Variants in PCLO observed in about 807,000 individuals in gnomAD.
PCLO encodes the protein piccolo presynaptic cytomatrix protein.
In PCLO, 82 loss-of-function variants were observed where a neutral mutation model predicts 427.5. The ratio of observed to expected loss-of-function variants is 0.19; its 90% confidence interval spans 0.16 to 0.23. PCLO has a LOEUF of 0.23. Ranked by LOEUF, PCLO falls within the 10% of genes least tolerant of loss-of-function variation. The pLI, the probability that PCLO is intolerant of heterozygous loss-of-function variation, is 1.00. For synonymous variants in PCLO, 2,357 were observed against 2,155.4 expected, an observed-to-expected ratio of 1.09 and a Z score of -2.59; for missense variants, 6,239 against 6,115.9, an observed-to-expected ratio of 1.02 and a Z score of -0.67.
chr7:82,895,683 C>G (rs1793886824), intron 9 of PCLO, among the ~76,000 whole-genome samples: 1 of 151,948 alleles, frequency 6.6e-6, no homozygotes, highest in African/African-American at 2.4e-5. Context: ...ATGATGAATA[C>G]ATTTGTGACA....
intron 3 of PCLO, among the ~76,000 whole-genome samples, chr7:82,999,170 AAAC>A (rs1224058936): frequency 6.5e-4 from 96 of 147,156 alleles, no homozygotes; most frequent in African/African-American, 2.2e-3. Flanking sequence ...TGAAAAAAAA[AAAC>A]AACAGAATAG....
intron 3 of PCLO, among the ~76,000 whole-genome samples, chr7:83,125,394 C>G (rs1287297597): frequency 6.6e-6 from 1 of 152,130 alleles, no homozygotes. Context: ...GAGGTGGACC[C>G]AACAGCTCAT....
chr7:82,911,333 T>C (rs1251087699), intron 7 of PCLO, among the ~76,000 whole-genome samples: 1 of 152,140 alleles, frequency 6.6e-6, no homozygotes, highest in Non-Finnish European at 1.5e-5. Flanking sequence ...TAAATGCTAA[T>C]TGTTTATAAC....
intron 6 of PCLO, among the ~76,000 whole-genome samples, chr7:82,932,791 T>A (rs1221265670): frequency 1.3e-5 from 2 of 152,076 alleles, no homozygotes; most frequent in Non-Finnish European, 2.9e-5. Context: ...TGCAAATATA[T>A]TCTTGGAGAG....
chr7:83,038,482 T>C (rs534020055), intron 3 of PCLO, among the ~76,000 whole-genome samples: 30 of 152,058 alleles, frequency 2.0e-4, no homozygotes, highest in South Asian at 1.7e-3. Context: ...TTATAAAATA[T>C]GCAGTCTTTT....
intron 3 of PCLO, among the ~76,000 whole-genome samples, chr7:82,991,132 A>G (rs1035380443): frequency 6.6e-5 from 10 of 152,172 alleles, no homozygotes; most frequent in African/African-American, 2.2e-4. Context: ...CAATGGGGAT[A>G]AAATGTCAAT....
intron 10 of PCLO, among the ~76,000 whole-genome samples, chr7:82,852,707 C>G (rs1210056336): frequency 1.3e-5 from 2 of 152,060 alleles, no homozygotes; most frequent in African/African-American, 4.8e-5. Flanking sequence ...TTAATAAACT[C>G]CCTTTCATAT....
At chr7:83,136,514 C>G (rs12707562) in intron 2 of PCLO, among the ~76,000 whole-genome samples, 3 of 151,882 alleles carry the variant, frequency 2.0e-5, no homozygotes, top group Non-Finnish European at 4.4e-5. Context: ...TTACTCCCCC[C>G]TCCCAGGTGA....
intron 9 of PCLO, among the ~76,000 whole-genome samples, chr7:82,890,935 CTAAA>C (rs1793748013): frequency 6.6e-6 from 1 of 151,890 alleles, no homozygotes; most frequent in Non-Finnish European, 1.5e-5. Flanking sequence ...TTTATGTCCC[CTAAA>C]TATTTATGAT....
At chr7:82,872,249 C>T (rs1793255217) in intron 10 of PCLO, among the ~76,000 whole-genome samples, 1 of 151,610 alleles carries the variant, frequency 6.6e-6, no homozygotes, top group Non-Finnish European at 1.5e-5. Context: ...ATAAAGATGC[C>T]CTAAAATGGT....
intron 3 of PCLO, among the ~76,000 whole-genome samples, chr7:82,969,192 T>C (rs1795848609): frequency 6.6e-6 from 1 of 152,186 alleles, no homozygotes; most frequent in Non-Finnish European, 1.5e-5. Context: ...ATACTCATTA[T>C]TTTCCTATAA....
chr7:83,068,754 A>G (rs963129578), intron 3 of PCLO, among the ~76,000 whole-genome samples: 2 of 152,148 alleles, frequency 1.3e-5, no homozygotes, highest in African/African-American at 4.8e-5. Flanking sequence ...ACCACATAAT[A>G]CAGCAATTCC....
chr7:82,902,285 A>C (rs1472501757), intron 9 of PCLO, among the ~76,000 whole-genome samples: 1 of 151,796 alleles, frequency 6.6e-6, no homozygotes, highest in Non-Finnish European at 1.5e-5. Flanking sequence ...AGGGACATGG[A>C]TGAAATTGGA....
chr7:83,135,478 T>C lies in PCLO; in HGVS notation c.2072A>G (p.Lys691Arg). 1 of 1,613,450 alleles carries C rather than the reference T, an allele frequency of 6.2e-7. No individual in the cohort carries two copies. Among genetic ancestry groups the C allele is most frequent in the African/African-American group, 1.3e-5 (1 of 74,886 alleles). ...QTSPKKDAAP[K>R]QDLSKAPEPK... ...CTCAGGTGCCTTGGAGAGATCCTGT[T>C]TTGGTGCAGCATCCTTCTTTGGGGA... The change falls in exon 3 of 25, where the codon AAA (lysine) becomes AGA (arginine). Residue 691 changes from lysine (K) to arginine (R), a missense_variant. Physicochemically the swap from Lys to Arg is conservative, Grantham distance 26. Transcript: ENST00000333891.
intron 3 of PCLO, among the ~76,000 whole-genome samples, chr7:82,991,427 A>G (rs1583879307): frequency 6.6e-6 from 1 of 152,106 alleles, no homozygotes; most frequent in Non-Finnish European, 1.5e-5. Flanking sequence ...AAAATTTAAT[A>G]CCATGAATAC....
At chr7:82,785,670 C>A (rs569256871) in intron 22 of PCLO, among the ~76,000 whole-genome samples, 2 of 151,978 alleles carry the variant, frequency 1.3e-5, no homozygotes, top group Admixed American at 1.3e-4. Flanking sequence ...AGATGGAGAG[C>A]GCCCACAGAT....
Position 82,922,261 on chromosome 7 carries a change from C to T in PCLO, c.11113-5388G>A, listed in dbSNP as rs139798995. 3.0e-3 allele frequency among the ~76,000 whole-genome samples: 456 copies of T among 151,932 alleles called. 2 individuals carry two copies. The highest frequency in any genetic ancestry group is 0.01 in the African/African-American group (430 of 41,484). ...GGTGTATACTCAAAGGAATATATAT[C>T]GATCTACCATAAAGACTCATGCATG... On this transcript the variant is annotated intron_variant, in intron 6 of 24. Transcript: ENST00000333891.
In PCLO at chr7:83,135,662, A is replaced by T; in HGVS notation, c.1894-6T>A. ...AAACAGAGCCACTCTTTTACCTACAAATAATATAAAACAATGGTCACCGAG... is the reference window on the plus strand; with the variant it reads ...AAACAGAGCCACTCTTTTACCTACATATAATATAAAACAATGGTCACCGAG... On this transcript the variant is annotated splice_polypyrimidine_tract_variant and splice_region_variant and intron_variant, in intron 2 of 24. Coordinates refer to ENST00000333891, the MANE Select transcript of PCLO (RefSeq NM_033026.6). 1.9e-6 allele frequency: 3 copies of T among 1,547,954 alleles called. No individual in the cohort carries two copies. The highest frequency in any genetic ancestry group is 2.6e-6 in the Non-Finnish European group (3 of 1,143,320).
chr7:83,074,606 T>C (rs554067524), intron 3 of PCLO, among the ~76,000 whole-genome samples: 35 of 152,256 alleles, frequency 2.3e-4, no homozygotes, highest in African/African-American at 7.7e-4. Context: ...GGAACAATGA[T>C]TGATGAATTT....
Sources: allele counts gnomAD v4.1 joint callset (sites outside exome capture counted in the v4.1 genomes callset), GRCh38; gene constraint gnomAD v4.1.1; transcripts MANE v1.5; gene names NCBI Gene and HGNC (gene_info 2026-07-23, HGNC 2026-07-21).